MDN1: variants seen among roughly 807,000 people sequenced by gnomAD.
MDN1 encodes the protein midasin AAA ATPase 1.
In MDN1, 266 loss-of-function variants were observed where a neutral mutation model predicts 669.2. That is an observed-to-expected ratio of 0.40 (90% CI 0.36 to 0.44). MDN1 has a LOEUF of 0.44. Ranked by LOEUF, MDN1 falls within the 20% of genes least tolerant of loss-of-function variation. MDN1 has a pLI of 1.00. For synonymous variants in MDN1, 2,385 were observed against 2,457.1 expected (o/e 0.97, Z 0.87); for missense variants, 5,940 against 6,754.0 (o/e 0.88, Z 4.22).
At chr6:89,772,480 C>T in intron 14 of MDN1, 93 bp downstream of exon 14, 3 of 1,448,548 alleles carry the variant, frequency 2.1e-6, no homozygotes, top group Admixed American at 2.0e-5. Context: ...ACTCTTTAAA[C>T]TCTGTGGTCT....
At chr6:89,736,398 G>C (rs1410475228) in intron 33 of MDN1, among the ~76,000 whole-genome samples, 1 of 152,150 alleles carries the variant, frequency 6.6e-6, no homozygotes, top group East Asian at 1.9e-4. Context: ...AAATAACAAA[G>C]GAATAAGCAC....
intron 14 of MDN1, 110 bp from the exon 15 acceptor site, chr6:89,771,731 C>T: frequency 1.0e-6 from 1 of 953,726 alleles, no homozygotes; most frequent in Non-Finnish European, 1.6e-6. Context: ...TTTTTTGAGA[C>T]AGAGTCTTGT....
chr6:89,682,132 A>G (rs754327289), intron 73 of MDN1, among the ~76,000 whole-genome samples: 6 of 152,198 alleles, frequency 3.9e-5, no homozygotes, highest in Non-Finnish European at 8.8e-5. Flanking sequence ...TAATAGGAGT[A>G]TTTACACCAC....
chr6:89,767,737 C>T (rs918842973), intron 15 of MDN1, among the ~76,000 whole-genome samples: 4 of 152,058 alleles, frequency 2.6e-5, no homozygotes, highest in African/African-American at 9.7e-5. Flanking sequence ...GCCTGGACAA[C>T]AAGAGCAAAA....
intron 57 of MDN1, 43 bp downstream of exon 57, chr6:89,700,019 GA>G (rs1562109062): frequency 4.5e-6 from 7 of 1,566,104 alleles, no homozygotes; most frequent in Admixed American, 1.7e-5. Context: ...GAATAATCAA[GA>G]AAAAAAGTTC....
rs1181258411 is a variant in MDN1, at chr6:89,707,398, T to C, written c.7977A>G (p.Arg2659=). The part of the protein sequence containing the change: ...NLVSVGSKKL[R]ESVLRMSFEF... ...CAAAGGACATTCTCAAAACACTCTCTCTTAGCTTTTTGCTACCAACAGAAA... is the reference window on the plus strand; with the variant it reads ...CAAAGGACATTCTCAAAACACTCTCCCTTAGCTTTTTGCTACCAACAGAAA... Residue 2659 remains arginine (R), a synonymous_variant, in exon 52 of 102, where the codon AGA becomes AGG. Transcript: ENST00000369393. 1 of 1,613,850 alleles carries C rather than the reference T, an allele frequency of 6.2e-7. No individual in the cohort carries two copies. Among genetic ancestry groups the C allele is most frequent in the African/African-American group, 1.3e-5 (1 of 75,044 alleles).
intron 33 of MDN1, among the ~76,000 whole-genome samples, chr6:89,735,270 C>G (rs1030471170): frequency 6.7e-6 from 1 of 150,120 alleles, no homozygotes; most frequent in African/African-American, 2.5e-5. Context: ...CAATGTAATA[C>G]AGAAGTATTG....
intron 17 of MDN1, among the ~76,000 whole-genome samples, chr6:89,759,247 T>G (rs1348736109): frequency 6.6e-6 from 1 of 152,200 alleles, no homozygotes; most frequent in East Asian, 1.9e-4. Context: ...TAGTCAGGTC[T>G]TTAAAGGCAC....
chr6:89,644,982 C>T (rs1254584547), intron 101 of MDN1, 33 bp downstream of exon 101: 1 of 1,565,942 alleles, frequency 6.4e-7, no homozygotes, highest in Non-Finnish European at 8.7e-7. Flanking sequence ...CCCACTTTAC[C>T]TCCAGAAAAG....
chr6:89,769,218 GA>G lies in MDN1; in HGVS notation c.2144+2342del, dbSNP rs1185689393. Among the ~76,000 whole-genome samples the G allele has an allele frequency of 4.6e-5, 7 of 152,266 alleles. No homozygotes were observed. In the East Asian group the frequency reaches 1.3e-3, roughly 29 times the overall value. On this transcript the variant is annotated intron_variant, in intron 15 of 101. Transcript: ENST00000369393. ...CTATCCCATCTCCTTACCCACAGCT[GA>G]ATTTTGTTCTCCATTCCCTTGCCTT...
chr6:89,664,851 T>C (rs373588383), intron 84 of MDN1, among the ~76,000 whole-genome samples: 1 of 152,180 alleles, frequency 6.6e-6, no homozygotes, highest in Non-Finnish European at 1.5e-5. Flanking sequence ...TTATTGGGAA[T>C]TGTAAAAATA....
intron 70 of MDN1, among the ~76,000 whole-genome samples, chr6:89,685,535 G>C (rs1811947705): frequency 6.6e-6 from 1 of 152,104 alleles, no homozygotes; most frequent in Non-Finnish European, 1.5e-5. Flanking sequence ...AGCTTAGCAG[G>C]ACATTTACAA....
rs1819409862 is a variant in MDN1 at position 89,793,775 on chromosome 6, G to A, written c.842C>T (p.Ala281Val). The part of the protein sequence containing the change: ...CGVVLPGQLP[A>V]PGELGGNRSS... ...ATACCAACATACCAGCTCTCCAGGG[G>A]CTGGCAGCTGCCCAGGCAGCACCAC... is the stretch of plus-strand genomic sequence containing the variant. The change falls in exon 5 of 102, where the codon GCC (alanine) becomes GTC (valine). Residue 281 changes from alanine to valine, a missense_variant. Physicochemically the swap from Ala to Val is moderately conservative, Grantham distance 64. Coordinates refer to ENST00000369393, the MANE Select transcript of MDN1 (RefSeq NM_014611.3). 6.2e-7 allele frequency: 1 copy of A among 1,613,548 alleles called. No individual in the cohort carries two copies. Among genetic ancestry groups the A allele is most frequent in the East Asian group, 2.2e-5 (1 of 44,894 alleles).
At position 89,676,183 on chromosome 6, in the gene MDN1, T is replaced by C. The variant is rs746927013; in HGVS notation, c.12564A>G (p.Ser4188=). 2.5e-6 allele frequency: 4 copies of C among 1,614,240 alleles called. No homozygotes were observed. Among genetic ancestry groups the C allele is most frequent in the Admixed American group, 3.3e-5 (2 of 60,028 alleles). ...DSRLLTEISS[S]WDGCQKYFYR... is the part of the protein sequence containing the mutation. ...AAAAATACTTCTGGCATCCATCCCATGAAGACGAGATTTCTGTAAGCAGCC... is the reference window on the plus strand; with the variant it reads ...AAAAATACTTCTGGCATCCATCCCACGAAGACGAGATTTCTGTAAGCAGCC... The change falls in exon 77 of 102, where the codon TCA becomes TCG. Residue 4188 remains serine (S), a synonymous_variant. Coordinates refer to ENST00000369393, the MANE Select transcript of MDN1 (RefSeq NM_014611.3).
chr6:89,696,291 T>C, intron 60 of MDN1, 69 bp downstream of exon 60: 15 of 1,495,756 alleles, frequency 1.0e-5, no homozygotes, highest in Non-Finnish European at 1.4e-5. Flanking sequence ...AAGTTCTCAC[T>C]GGGTCTCTGC....
intron 13 of MDN1, among the ~76,000 whole-genome samples, chr6:89,773,213 G>C (rs1818193166): frequency 6.6e-6 from 1 of 152,124 alleles, no homozygotes; most frequent in African/African-American, 2.4e-5. Flanking sequence ...CCAATGACTG[G>C]TGTCCTTATA....
At chr6:89,713,833 G>A (rs1346363828) in intron 46 of MDN1, among the ~76,000 whole-genome samples, 1 of 151,946 alleles carries the variant, frequency 6.6e-6, no homozygotes, top group Admixed American at 6.6e-5. Context: ...CGGATCACGA[G>A]GTCAGGAGAT....
chr6:89,713,262 C>A lies in MDN1; in HGVS notation c.7104G>T (p.Gln2368His), dbSNP rs1306144989. 6.2e-7 allele frequency: 1 copy of A among 1,613,742 alleles called. No homozygotes were observed. The highest frequency in any genetic ancestry group is 1.7e-5 in the Admixed American group (1 of 59,982). ...GGTACTGGACAATTAGTATGGCTGTCTGGATTAGAGTTGATACAGAAGATG... is the reference window on the plus strand; with the variant it reads ...GGTACTGGACAATTAGTATGGCTGTATGGATTAGAGTTGATACAGAAGATG... Reference protein sequence around the residue: ...SPTSSVSTLIQTAILIVQYLQ... With the variant: ...SPTSSVSTLIHTAILIVQYLQ... The change falls in exon 47 of 102, where the codon CAG (glutamine) becomes CAT (histidine). Residue 2368 changes from glutamine (Q) to histidine (H), a missense_variant. Gln to His is a conservative substitution (Grantham distance 24, BLOSUM62 0). This residue lies in a region of MDN1 where 2,292 missense variants were observed against 2,638.3 expected (regional missense o/e 0.87). Coordinates refer to ENST00000369393, the MANE Select transcript of MDN1 (RefSeq NM_014611.3).
At position 89,750,513 on chromosome 6, in the gene MDN1, G is replaced by A. The variant is rs1197298379; in HGVS notation, c.3247C>T (p.Gln1083Ter). The A allele has an allele frequency of 6.2e-7, 1 of 1,613,258 alleles. No individual in the cohort carries two copies. Among genetic ancestry groups the A allele is most frequent in the Non-Finnish European group, 8.5e-7 (1 of 1,179,310 alleles). ...VSAGTYPVLI[Q>*]GETSVGKTSL... ...GTTTTACCAACTGATGTCTCTCCCT[G>A]AATCAGCACTGGATAGGTTCTGTAA... Residue 1083 changes from glutamine (Q) to a stop codon, truncating the protein, a stop_gained, in exon 24 of 102, where the codon CAG becomes TAG. Coordinates refer to ENST00000369393, the MANE Select transcript of MDN1 (RefSeq NM_014611.3). LOFTEE classifies it high-confidence loss of function.
Sources: gnomAD v4.1 joint callset for allele counts (sites outside exome capture counted in the v4.1 genomes callset) on GRCh38, gnomAD v4.1.1 for gene constraint, gnomAD v4.1.1 regional missense constraint, MANE v1.5 for transcripts, NCBI Gene and HGNC (gene_info 2026-07-23, HGNC 2026-07-21) for gene names.